Variants in THSD4 observed in about 807,000 individuals in gnomAD.
THSD4 encodes the protein thrombospondin type 1 domain containing 4.
In THSD4, 69 loss-of-function variants were observed where a neutral mutation model predicts 119.0. The ratio of observed to expected loss-of-function variants is 0.58; its 90% CI spans 0.48 to 0.71. THSD4 has a LOEUF of 0.71. Among genes scored for constraint, THSD4 ranks in the 30% least tolerant of loss-of-function variants. THSD4 has a pLI of 0.00. For synonymous variants in THSD4, 524 were observed against 540.4 expected (o/e 0.97, Z 0.42); for missense variants, 1,393 against 1,391.1 (o/e 1.00, Z -0.02).
At chr15:71,330,966 G>A (rs957098787) in intron 6 of THSD4, among the ~76,000 whole-genome samples, 1 of 152,210 alleles carries the variant, frequency 6.6e-6, no homozygotes, top group Admixed American at 6.5e-5. Flanking sequence ...TGGCCTTGTC[G>A]AGGAAGGAGG....
intron 7 of THSD4, among the ~76,000 whole-genome samples, chr15:71,629,667 C>G (rs894687543): frequency 6.6e-6 from 1 of 152,174 alleles, no homozygotes; most frequent in African/African-American, 2.4e-5. Flanking sequence ...CTTGCGTCTT[C>G]TACCTCCCCA....
At chr15:71,394,881 T>A (rs894885628) in intron 6 of THSD4, among the ~76,000 whole-genome samples, 4 of 152,234 alleles carry the variant, frequency 2.6e-5, no homozygotes, top group Non-Finnish European at 5.9e-5. Context: ...CTCCACCCGC[T>A]TCTACTCAGC....
intron 6 of THSD4, among the ~76,000 whole-genome samples, chr15:71,383,625 T>G (rs1181830274): frequency 1.3e-5 from 2 of 152,152 alleles, no homozygotes; most frequent in Non-Finnish European, 2.9e-5. Context: ...TAAATTTCTT[T>G]TACAAAAGGA....
chr15:71,642,916 A>C (rs941909371), intron 7 of THSD4, among the ~76,000 whole-genome samples: 8 of 152,146 alleles, frequency 5.3e-5, no homozygotes, highest in Non-Finnish European at 1.2e-4. Flanking sequence ...TAACCTGCAC[A>C]TTGTGCACAT....
intron 1 of THSD4, among the ~76,000 whole-genome samples, chr15:71,106,269 T>C (rs1453372155): frequency 6.6e-6 from 1 of 152,118 alleles, no homozygotes; most frequent in Admixed American, 6.5e-5. Flanking sequence ...AGGCCTCAGT[T>C]CTACACAGCT....
At chr15:71,478,652 AAT>A (rs2047683674) in intron 7 of THSD4, among the ~76,000 whole-genome samples, 1 of 152,212 alleles carries the variant, frequency 6.6e-6, no homozygotes, top group Non-Finnish European at 1.5e-5. Flanking sequence ...TAGCAGCCAA[AAT>A]TCAGATCACT....
At chr15:71,591,915 G>A (rs1389613021) in intron 7 of THSD4, among the ~76,000 whole-genome samples, 1 of 152,134 alleles carries the variant, frequency 6.6e-6, no homozygotes, top group African/African-American at 2.4e-5. Flanking sequence ...ATGTTTGTGG[G>A]CCTGATGGGT....
intron 14 of THSD4, among the ~76,000 whole-genome samples, chr15:71,755,875 G>C (rs553930039): frequency 6.6e-6 from 1 of 152,170 alleles, no homozygotes; most frequent in Non-Finnish European, 1.5e-5. Flanking sequence ...TTTGAGGTGA[G>C]CCTTAAAGGC....
intron 8 of THSD4, among the ~76,000 whole-genome samples, chr15:71,687,373 C>T (rs184912861): frequency 6.6e-6 from 1 of 152,258 alleles, no homozygotes; most frequent in East Asian, 1.9e-4. Context: ...TTATTGCTTC[C>T]TCCTGACAGC....
chr15:71,660,871 C>T, intron 8 of THSD4, 137 bp downstream of exon 8: 2 of 945,352 alleles, frequency 2.1e-6, no homozygotes, highest in Non-Finnish European at 3.2e-6. Flanking sequence ...GTCAAAGTAC[C>T]ACCTGGCCTG....
intron 8 of THSD4, among the ~76,000 whole-genome samples, chr15:71,700,340 C>G (rs1424836613): frequency 6.6e-6 from 1 of 151,714 alleles, no homozygotes; most frequent in Non-Finnish European, 1.5e-5. Context: ...TTCACTATAG[C>G]AAGAAAAATA....
At chr15:71,727,538 A>T (rs1398448668) in intron 8 of THSD4, among the ~76,000 whole-genome samples, 6 of 2,810 alleles carry the variant, frequency 2.1e-3, no homozygotes, top group African/African-American at 2.5e-3. Flanking sequence ...TCTTAAAAAA[A>T]AAAAAAAAAA....
At chr15:71,393,467 C>A (rs61499634) in intron 6 of THSD4, among the ~76,000 whole-genome samples, 7,550 of 152,090 alleles carry the variant, frequency 0.05, 214 homozygotes, top group African/African-American at 0.079. Context: ...GAGAGGTGAG[C>A]CTTGGTTCCC....
intron 15 of THSD4, among the ~76,000 whole-genome samples, chr15:71,759,595 A>G (rs915463227): frequency 2.0e-5 from 3 of 152,218 alleles, no homozygotes; most frequent in Non-Finnish European, 4.4e-5. Flanking sequence ...CATAGGACCT[A>G]AACCCCAAAG....
intron 8 of THSD4, among the ~76,000 whole-genome samples, chr15:71,708,041 G>A (rs1397299833): frequency 6.6e-6 from 1 of 152,184 alleles, no homozygotes; most frequent in Non-Finnish European, 1.5e-5. Context: ...AGTTAACTGA[G>A]TTCCCTTCCA....
intron 7 of THSD4, among the ~76,000 whole-genome samples, chr15:71,540,863 C>T (rs893116393): frequency 2.6e-5 from 4 of 151,390 alleles, no homozygotes; most frequent in Non-Finnish European, 4.4e-5. Context: ...GATGGGATTA[C>T]AAGCACGTGC....
At chr15:71,151,260 G>C (rs531644456) in intron 2 of THSD4, among the ~76,000 whole-genome samples, 41 of 152,250 alleles carry the variant, frequency 2.7e-4, no homozygotes, top group Non-Finnish European at 5.1e-4. Context: ...CCCCCTGAAT[G>C]CTATGAAAGT....
At chr15:71,689,875 C>T (rs915454553) in intron 8 of THSD4, among the ~76,000 whole-genome samples, 1 of 152,124 alleles carries the variant, frequency 6.6e-6, no homozygotes, top group Non-Finnish European at 1.5e-5. Flanking sequence ...TGTTCTTCCC[C>T]GTCCCTGAAC....
chr15:71,264,971 A>G (rs1418100856), intron 6 of THSD4, among the ~76,000 whole-genome samples: 8 of 152,104 alleles, frequency 5.3e-5, no homozygotes. Flanking sequence ...TGGGGACTCT[A>G]AGGAACTAAT....
Sources: gnomAD v4.1 joint callset for allele counts (sites outside exome capture counted in the v4.1 genomes callset) on GRCh38, gnomAD v4.1.1 for gene constraint, MANE v1.5 for transcripts, NCBI Gene and HGNC (gene_info 2026-07-23, HGNC 2026-07-21) for gene names.